The following ABHD12B variants were observed in gnomAD, a reference collection of about 807,000 sequenced individuals.
ABHD12B encodes the protein protein ABHD12B.
A neutral mutation model predicts 50.4 loss-of-function variants in ABHD12B; 42 were observed. The ratio of observed to expected loss-of-function variants is 0.83; its 90% confidence interval spans 0.65 to 1.08. The LOEUF (loss-of-function observed/expected upper bound fraction) is 1.08, where lower values mean the gene tolerates loss of function less well. Among genes scored for constraint, ABHD12B ranks in the 50% least tolerant of loss-of-function variants. The probability of loss-of-function intolerance (pLI) is 0.00; values close to 1 mark genes in which losing one functional copy is unlikely to be tolerated. For missense variants in ABHD12B, 479 were observed against 447.7 expected (o/e 1.07, Z -0.63); for synonymous variants, 167 against 160.3 (o/e 1.04, Z -0.32).
Position 50,882,373 on chromosome 14 carries a change from C to CTTTTTTTTTTTTTTTTTTTTTTTT in ABHD12B, c.486+768_486+769insTTTTTTTTTTTTTTTTTTTTTTTT, listed in dbSNP as rs386381352. Among the ~76,000 whole-genome samples, 8 of 81,834 alleles carry CTTTTTTTTTTTTTTTTTTTTTTTT rather than the reference C, an allele frequency of 9.8e-5. 1 individual carries two copies. Among genetic ancestry groups the CTTTTTTTTTTTTTTTTTTTTTTTT allele is most frequent in the African/African-American group, 2.6e-4 (5 of 19,318 alleles). 53.7% of individuals were successfully genotyped at this position (81,834 alleles called of 152,430 possible). A position where few individuals can be genotyped will look rare whatever the true frequency, so the allele number is the denominator to read the frequency against. On this transcript the variant is annotated intron_variant, in intron 5 of 12. Transcript: ENST00000337334. Reference sequence around the variant, plus strand: ...ATAGGCTAAAGACACAGAATGTCTGCTTTTTTTTTTTTTTTTTTTTTGAGA... The same window carrying CTTTTTTTTTTTTTTTTTTTTTTTT: ...ATAGGCTAAAGACACAGAATGTCTGCTTTTTTTTTTTTTTTTTTTTTTTTTTTTTTTTTTTTTTTTTTTTTGAGA...
At chr14:50,893,826 A>G (rs61208806) in intron 9 of ABHD12B, 8,381 of 152,882 alleles carry the variant, frequency 0.055, 760 homozygotes, top group African/African-American at 0.19. Context: ...TCTCCTTTCA[A>G]TCTTGGCACC....
chr14:50,903,598 A>C (rs1031054459), intron 11 of ABHD12B, 131 bp downstream of exon 11: 5 of 642,984 alleles, frequency 7.8e-6, no homozygotes, highest in African/African-American at 1.9e-5. Context: ...ACCCCTAAAT[A>C]GCCTCTATAG....
chr14:50,895,169 G>T (rs2050180017), intron 9 of ABHD12B, among the ~76,000 whole-genome samples: 1 of 149,934 alleles, frequency 6.7e-6, no homozygotes, highest in Non-Finnish European at 1.5e-5. Flanking sequence ...GACCCTAAAA[G>T]GTCAAAAGGC....
intron 9 of ABHD12B, among the ~76,000 whole-genome samples, chr14:50,894,929 C>T (rs571534696): frequency 6.7e-6 from 1 of 149,258 alleles, no homozygotes; most frequent in South Asian, 2.1e-4. Context: ...TATCGCCTCC[C>T]CTCCTCACAC....
intron 1 of ABHD12B, among the ~76,000 whole-genome samples, chr14:50,875,794 C>T (rs950462198): frequency 2.6e-5 from 4 of 152,172 alleles, no homozygotes; most frequent in African/African-American, 7.2e-5. Context: ...AAAAGTGCCT[C>T]GAGCTATTTG....
chr14:50,874,799 T>C (rs758159408), intron 1 of ABHD12B, among the ~76,000 whole-genome samples: 6 of 152,224 alleles, frequency 3.9e-5, no homozygotes, highest in Non-Finnish European at 5.9e-5. Flanking sequence ...TTATTATCTA[T>C]TGGATAGTAT....
intron 3 of ABHD12B, among the ~76,000 whole-genome samples, chr14:50,879,796 G>T (rs955356289): frequency 6.6e-6 from 1 of 152,160 alleles, no homozygotes. Flanking sequence ...GCCTATATTC[G>T]GAGTACAGAG....
At position 50,885,847 on chromosome 14, in the gene ABHD12B, G is replaced by T; in HGVS notation, c.614G>T (p.Arg205Ile). 1 of 1,614,218 alleles carries T rather than the reference G, an allele frequency of 6.2e-7. No individual in the cohort carries two copies. The highest frequency in any genetic ancestry group is 8.5e-7 in the Non-Finnish European group (1 of 1,180,042). The change falls in exon 7 of 13, where the codon AGA (arginine) becomes ATA (isoleucine). Residue 205 changes from arginine to isoleucine, a missense_variant. Arg to Ile is a moderately conservative substitution (Grantham distance 97). Coordinates refer to ENST00000337334, the MANE Select transcript of ABHD12B (RefSeq NM_001206673.2). ...AICVYEWTKA[R>I]SGITPVCLWG... Reference sequence around the variant, plus strand: ...TGTGTCTATGAGTGGACCAAGGCAAGAAGTGGCATCACTCCCGTGTGTCTC... The same window carrying T: ...TGTGTCTATGAGTGGACCAAGGCAATAAGTGGCATCACTCCCGTGTGTCTC...
In ABHD12B at chr14:50,904,729, C is replaced by T. The variant is rs7158803; in HGVS notation, c.*363C>T. The stretch of plus-strand genomic sequence containing the variant: ...CCTGCCCCCCCAAATTATGCTGAAA[C>T]CTAATCACCAGTGTGATGGTAATAG... On this transcript the variant is annotated 3_prime_UTR_variant, in exon 13 of 13. Transcript: ENST00000337334. 4,458 of 342,974 alleles carry T rather than the reference C, an allele frequency of 0.013. 187 individuals carry two copies. The highest frequency in any genetic ancestry group is 0.086 in the African/African-American group (4,135 of 47,862). The allele number at this position is 342,974 out of a possible 1,614,324, so 21.2% of individuals were successfully genotyped here. A position where few individuals can be genotyped will look rare whatever the true frequency, so the allele number is the denominator to read the frequency against.
Position 50,886,455 on chromosome 14 carries a change from A to AG in ABHD12B, c.663-192_663-191insG, listed in dbSNP as rs1555324078. ...GCTCTGTCTCCAAAAAAAAAAAAAA[A>AG]AAAGAAAGAAAGAAAGAAAATGACC... is the stretch of plus-strand genomic sequence containing the variant. On this transcript the variant is annotated intron_variant, in intron 7 of 12. Transcript: ENST00000337334. Among the ~76,000 whole-genome samples, 11 of 151,564 alleles carry AG rather than the reference A, an allele frequency of 7.3e-5. No individual in the cohort carries two copies. In the East Asian group the frequency reaches 7.7e-4, roughly 11 times the overall value.
chr14:50,904,559 A>T lies in ABHD12B; in HGVS notation c.*193A>T. 1.4e-6 allele frequency: 1 copy of T among 690,344 alleles called. No individual in the cohort carries two copies. The highest frequency in any genetic ancestry group is 2.4e-6 in the Non-Finnish European group (1 of 413,648). The allele number at this position is 690,344 out of a possible 1,614,324, so 42.8% of individuals were successfully genotyped here. A position where few individuals can be genotyped will look rare whatever the true frequency, so the allele number is the denominator to read the frequency against. Reference sequence around the variant, plus strand: ...ATGGAATGTTCTTATTTAGCTTATCATAATCTACTTTGTAAAACATGCTGA... The same window carrying T: ...ATGGAATGTTCTTATTTAGCTTATCTTAATCTACTTTGTAAAACATGCTGA... On this transcript the variant is annotated 3_prime_UTR_variant, in exon 13 of 13. Coordinates refer to ENST00000337334, the MANE Select transcript of ABHD12B (RefSeq NM_001206673.2).
In ABHD12B at chr14:50,904,403, C is replaced by T. The variant is rs4901065; in HGVS notation, c.*37C>T. 341,144 of 1,610,968 alleles carry T rather than the reference C, an allele frequency of 0.21. 40,595 individuals carry two copies. The highest frequency in any genetic ancestry group is 0.45 in the Admixed American group (27,010 of 59,974). On this transcript the variant is annotated 3_prime_UTR_variant, in exon 13 of 13. Coordinates refer to ENST00000337334, the MANE Select transcript of ABHD12B (RefSeq NM_001206673.2). Reference sequence around the variant, plus strand: ...GTGGAAATCTTCAATGAAGACTTGGCCCAAACACCACCTGTGATGTATATT... The same window carrying T: ...GTGGAAATCTTCAATGAAGACTTGGTCCAAACACCACCTGTGATGTATATT...
At chr14:50,894,807 A>G (rs185184207) in intron 9 of ABHD12B, among the ~76,000 whole-genome samples, 1 of 148,448 alleles carries the variant, frequency 6.7e-6, no homozygotes, top group African/African-American at 2.6e-5. Context: ...AGCGTCGCTG[A>G]GTCTTTCTAA....
At chr14:50,892,721 T>C (rs1400428444) in intron 9 of ABHD12B, 1 of 380,762 alleles carries the variant, frequency 2.6e-6, no homozygotes, top group Non-Finnish European at 3.6e-6. Flanking sequence ...TTTCTTTAGA[T>C]AGTACTTAAT....
chr14:50,878,116 T>A (rs939852575), intron 2 of ABHD12B, 37 bp downstream of exon 2: 16 of 1,479,586 alleles, frequency 1.1e-5, no homozygotes, highest in Non-Finnish European at 1.4e-5. Flanking sequence ...CCTATATAAT[T>A]TTTCCCAAAT....
Position 50,873,206 on chromosome 14 carries a change from TTC to T in ABHD12B, c.104+944_104+945del, listed in dbSNP as rs555850214. ...AGTGATGATGACAAACGGGGATCTT[TTC>T]TCTCTCTCTCTCTCTTTTTTTTTTC... On this transcript the variant is annotated intron_variant, in intron 1 of 12. Coordinates refer to ENST00000337334, the MANE Select transcript of ABHD12B (RefSeq NM_001206673.2). 4.1e-3 allele frequency among the ~76,000 whole-genome samples: 627 copies of T among 151,340 alleles called. 6 individuals carry two copies. The highest frequency in any genetic ancestry group is 0.015 in the African/African-American group (607 of 41,182).
At chr14:50,877,687 T>C (rs943686627) in intron 1 of ABHD12B, among the ~76,000 whole-genome samples, 17 of 152,228 alleles carry the variant, frequency 1.1e-4, no homozygotes, top group African/African-American at 3.6e-4. Context: ...GCCAACATGG[T>C]GAAACCCTGT....
At chr14:50,895,883 C>T in intron 9 of ABHD12B, among the ~76,000 whole-genome samples, 1 of 152,180 alleles carries the variant, frequency 6.6e-6, no homozygotes, top group Non-Finnish European at 1.5e-5. Flanking sequence ...TTAGACAATA[C>T]TCTTTTAAGC....
Position 50,904,735 on chromosome 14 carries a change from C to A in ABHD12B, c.*369C>A. On this transcript the variant is annotated 3_prime_UTR_variant, in exon 13 of 13. Transcript: ENST00000337334. The stretch of plus-strand genomic sequence containing the variant: ...CCCCCAAATTATGCTGAAACCTAAT[C>A]ACCAGTGTGATGGTAATAGGAGGTG... 1 of 338,838 alleles carries A rather than the reference C, an allele frequency of 3.0e-6. No individual in the cohort carries two copies. Among genetic ancestry groups the A allele is most frequent in the Non-Finnish European group, 5.6e-6 (1 of 178,444 alleles). 21.0% of individuals were successfully genotyped at this position (338,838 alleles called of 1,614,324 possible).
Sources: gnomAD v4.1 joint callset for allele counts (sites outside exome capture counted in the v4.1 genomes callset) on GRCh38, gnomAD v4.1.1 for gene constraint, MANE v1.5 for transcripts, NCBI Gene and HGNC (gene_info 2026-07-23, HGNC 2026-07-21) for gene names.